The following PALM2AKAP2 variants were observed in gnomAD, a reference collection of about 807,000 sequenced individuals.
The protein encoded by PALM2AKAP2 is PALM2 and AKAP2 fusion.
PALM2AKAP2 carries 37 observed loss-of-function variants against 71.5 expected under a neutral mutation model. The ratio of observed to expected loss-of-function variants is 0.52; its 90% CI spans 0.40 to 0.68. The LOEUF (loss-of-function observed/expected upper bound fraction) is 0.68, where lower values mean the gene tolerates loss of function less well. Ranked by LOEUF, PALM2AKAP2 falls within the 30% of genes least tolerant of loss-of-function variation. The pLI is 0.00. For missense variants in PALM2AKAP2, 1,224 were observed against 1,191.8 expected, an observed-to-expected ratio of 1.03 and a Z score of -0.40; for synonymous variants, 468 against 478.8, an observed-to-expected ratio of 0.98 and a Z score of 0.29.
chr9:109,813,214 G>A (rs1200797289), intron 1 of PALM2AKAP2, among the ~76,000 whole-genome samples: 3 of 152,212 alleles, frequency 2.0e-5, no homozygotes, highest in African/African-American at 7.2e-5. Flanking sequence ...TTTCCCACAG[G>A]AAGTGAAAGG....
At chr9:109,658,004 AG>A (rs1191806602) in intron 1 of PALM2AKAP2, among the ~76,000 whole-genome samples, 15 of 151,688 alleles carry the variant, frequency 9.9e-5, no homozygotes, top group African/African-American at 3.2e-4. Context: ...TGGCAAAAAG[AG>A]AGGACTCACA....
At chr9:109,857,255 T>C (rs1295690734) in intron 1 of PALM2AKAP2, among the ~76,000 whole-genome samples, 1 of 152,244 alleles carries the variant, frequency 6.6e-6, no homozygotes, top group Non-Finnish European at 1.5e-5. Context: ...TCCCAACTGC[T>C]GCCTCATCTG....
chr9:109,917,062 C>T (rs1030784066), intron 3 of PALM2AKAP2, among the ~76,000 whole-genome samples: 1 of 152,154 alleles, frequency 6.6e-6, no homozygotes, highest in Non-Finnish European at 1.5e-5. Context: ...TCTGGGTACA[C>T]TTTGTATAAC....
intron 1 of PALM2AKAP2, among the ~76,000 whole-genome samples, chr9:110,075,750 T>G (rs1834307155): frequency 6.6e-6 from 1 of 152,128 alleles, no homozygotes; most frequent in African/African-American, 2.4e-5. Context: ...TACCTTTTTA[T>G]TTTAAAATAA....
At chr9:109,936,322 T>C (rs1046297743) in intron 6 of PALM2AKAP2, among the ~76,000 whole-genome samples, 2 of 152,202 alleles carry the variant, frequency 1.3e-5, no homozygotes, top group Non-Finnish European at 2.9e-5. Flanking sequence ...TTAGAACTTA[T>C]TCCTTCTATC....
At chr9:109,710,541 A>G (rs1266295169) in intron 1 of PALM2AKAP2, among the ~76,000 whole-genome samples, 2 of 152,324 alleles carry the variant, frequency 1.3e-5, no homozygotes, top group East Asian at 3.9e-4. Flanking sequence ...GTTGAGCATC[A>G]GTTTTTTTCA....
chr9:109,659,511 C>A (rs1239350171), intron 1 of PALM2AKAP2, among the ~76,000 whole-genome samples: 3 of 150,968 alleles, frequency 2.0e-5, no homozygotes, highest in Admixed American at 2.0e-4. Flanking sequence ...TGGAATAACA[C>A]AATACGTGGT....
chr9:109,977,297 C>A (rs1012272515), intron 6 of PALM2AKAP2, among the ~76,000 whole-genome samples: 3 of 152,196 alleles, frequency 2.0e-5, no homozygotes, highest in Admixed American at 1.3e-4. Context: ...TAGTGAGAAA[C>A]ATTCAACCTC....
At chr9:109,983,149 T>G (rs1832307173) in intron 6 of PALM2AKAP2, among the ~76,000 whole-genome samples, 1 of 152,222 alleles carries the variant, frequency 6.6e-6, no homozygotes, top group Non-Finnish European at 1.5e-5. Context: ...GGGATTCCTC[T>G]ATAAAATTTC....
intron 1 of PALM2AKAP2, among the ~76,000 whole-genome samples, chr9:109,789,391 T>C (rs1217810318): frequency 6.6e-6 from 1 of 152,228 alleles, no homozygotes; most frequent in Admixed American, 6.5e-5. Flanking sequence ...CAGCAACTGA[T>C]GTTCATTTAC....
intron 1 of PALM2AKAP2, among the ~76,000 whole-genome samples, chr9:109,785,190 C>T (rs574832746): frequency 2.0e-5 from 3 of 152,250 alleles, no homozygotes; most frequent in East Asian, 3.9e-4. Context: ...TATATATGTG[C>T]GGAAATAGGA....
chr9:110,127,501 G>A (rs1228042964), intron 1 of PALM2AKAP2: 1 of 152,470 alleles, frequency 6.6e-6, no homozygotes, highest in East Asian at 1.9e-4. Flanking sequence ...GAAGAGGAAA[G>A]CCTGCACAGG....
chr9:110,021,310 A>T (rs1296339916), intron 7 of PALM2AKAP2, among the ~76,000 whole-genome samples: 1 of 152,182 alleles, frequency 6.6e-6, no homozygotes, highest in Non-Finnish European at 1.5e-5. Context: ...AGAGGCAAGG[A>T]AGGAGTCTTC....
At chr9:110,026,737 T>G (rs1833187703) in intron 7 of PALM2AKAP2, among the ~76,000 whole-genome samples, 1 of 152,180 alleles carries the variant, frequency 6.6e-6, no homozygotes, top group Non-Finnish European at 1.5e-5. Flanking sequence ...TTTAATACAT[T>G]ATGTTAATAG....
chr9:109,786,432 C>G (rs1189535991), intron 1 of PALM2AKAP2, among the ~76,000 whole-genome samples: 1 of 152,230 alleles, frequency 6.6e-6, no homozygotes, highest in African/African-American at 2.4e-5. Flanking sequence ...TGTCAGAGAA[C>G]TGGAGAATTT....
At chr9:110,121,971 A>G (rs1835495982) in intron 1 of PALM2AKAP2, among the ~76,000 whole-genome samples, 1 of 152,220 alleles carries the variant, frequency 6.6e-6, no homozygotes, top group Non-Finnish European at 1.5e-5. Flanking sequence ...CATTTTACCG[A>G]CCAGAAAACT....
chr9:109,831,718 A>G (rs1285714973), intron 1 of PALM2AKAP2, among the ~76,000 whole-genome samples: 3 of 152,226 alleles, frequency 2.0e-5, no homozygotes, highest in Non-Finnish European at 1.5e-5. Context: ...GACCATCAGT[A>G]GAAAATACTA....
At chr9:109,914,694 G>T (rs1033963184) in intron 3 of PALM2AKAP2, among the ~76,000 whole-genome samples, 1 of 152,192 alleles carries the variant, frequency 6.6e-6, no homozygotes, top group South Asian at 2.1e-4. Context: ...CCTTTTATTC[G>T]GAGAGTAGTT....
intron 1 of PALM2AKAP2, among the ~76,000 whole-genome samples, chr9:109,679,743 A>G (rs1353842400): frequency 6.6e-6 from 1 of 152,152 alleles, no homozygotes; most frequent in Non-Finnish European, 1.5e-5. Context: ...AACAAAAACA[A>G]AAAAACCAAA....
Sources: allele counts gnomAD v4.1 joint callset (sites outside exome capture counted in the v4.1 genomes callset), GRCh38; gene constraint gnomAD v4.1.1; transcripts MANE v1.5; gene names NCBI Gene and HGNC (gene_info 2026-07-23, HGNC 2026-07-21).